ZNF638: variants seen among roughly 807,000 people sequenced by gnomAD.
ZNF638 encodes CTCL tumor antigen se33-1.
In ZNF638, 46 loss-of-function variants were observed where a neutral mutation model predicts 195.6. That is an observed-to-expected ratio of 0.24 (90% confidence interval 0.19 to 0.30). ZNF638 has a LOEUF of 0.30. ZNF638 is among the 10% of genes least tolerant of loss of function. The pLI is 1.00. For missense variants in ZNF638, 2,440 were observed against 2,325.3 expected, an observed-to-expected ratio of 1.05 and a Z score of -1.01; for synonymous variants, 845 against 772.0, an observed-to-expected ratio of 1.09 and a Z score of -1.57.
At chr2:71,366,467 G>T (rs1404925649) in intron 6 of ZNF638, among the ~76,000 whole-genome samples, 1 of 151,972 alleles carries the variant, frequency 6.6e-6, no homozygotes, top group Non-Finnish European at 1.5e-5. Flanking sequence ...TATTTTACTG[G>T]TTTTTCTTGT....
At chr2:71,414,193 G>C (rs1273242569) in intron 20 of ZNF638, among the ~76,000 whole-genome samples, 11 of 87,386 alleles carry the variant, frequency 1.3e-4, no homozygotes, top group African/African-American at 5.0e-4. Flanking sequence ...CTTCTTCCTG[G>C]TTTAGTCTTG....
At chr2:71,393,376 T>C in intron 10 of ZNF638, 2 of 717,220 alleles carry the variant, frequency 2.8e-6, no homozygotes, top group Non-Finnish European at 5.2e-6. Context: ...GATATGCTTG[T>C]GTTCACACCC....
At chr2:71,405,554 T>C in intron 17 of ZNF638, 47 bp from the exon 18 acceptor site, 1 of 1,203,438 alleles carries the variant, frequency 8.3e-7, no homozygotes, top group South Asian at 1.4e-5. Flanking sequence ...AGTATTTGTA[T>C]GAGAAAGAGC....
chr2:71,372,966 A>T (rs972340888), intron 8 of ZNF638, among the ~76,000 whole-genome samples: 2 of 152,166 alleles, frequency 1.3e-5, no homozygotes, highest in Admixed American at 1.3e-4. Context: ...TTTAGTTAAC[A>T]CCTTGTGTAC....
At chr2:71,403,495 CAATT>C (rs1345213247) in intron 16 of ZNF638, among the ~76,000 whole-genome samples, 7 of 152,040 alleles carry the variant, frequency 4.6e-5, no homozygotes, top group African/African-American at 7.2e-5. Flanking sequence ...CATATTTTAT[CAATT>C]TATTTACTCA....
chr2:71,378,431 A>G (rs1418078384), intron 8 of ZNF638, among the ~76,000 whole-genome samples: 1 of 152,182 alleles, frequency 6.6e-6, no homozygotes, highest in African/African-American at 2.4e-5. Context: ...GCCCAAAAAG[A>G]ACAGAAAGTA....
In ZNF638 at chr2:71,426,534, G is replaced by A; in HGVS notation, c.4665G>A (p.Gln1555=). The change falls in exon 24 of 28, where the codon CAG becomes CAA. Residue 1555 remains glutamine (Q), a synonymous_variant. Transcript: ENST00000264447. ...DEVIEEVNPS[Q]AKQNPLKGKR... The stretch of plus-strand genomic sequence containing the variant: ...TTATAGAAGAAGTGAATCCTTCTCA[G>A]GCCAAGCAGAATCCACTAAAGGGAA... The A allele has an allele frequency of 6.2e-7, 1 of 1,613,786 alleles. No individual in the cohort carries two copies. The highest frequency in any genetic ancestry group is 8.5e-7 in the Non-Finnish European group (1 of 1,179,946).
At chr2:71,332,486 G>A (rs1407040332) in intron 1 of ZNF638, among the ~76,000 whole-genome samples, 1 of 152,216 alleles carries the variant, frequency 6.6e-6, no homozygotes, top group Non-Finnish European at 1.5e-5. Context: ...TCTGTGCTGC[G>A]TAGTGCAGGT....
At chr2:71,395,530 A>G (rs979780861) in intron 10 of ZNF638, 1 of 616,854 alleles carries the variant, frequency 1.6e-6, no homozygotes, top group Non-Finnish European at 2.9e-6. Flanking sequence ...AAAGGAATTT[A>G]TCTAGACGAG....
At chr2:71,394,983 C>G (rs1409555972) in intron 10 of ZNF638, among the ~76,000 whole-genome samples, 1 of 152,188 alleles carries the variant, frequency 6.6e-6, no homozygotes, top group Non-Finnish European at 1.5e-5. Flanking sequence ...TGTCACCTCT[C>G]TACCATGGAA....
In ZNF638 at chr2:71,405,650, T is replaced by A; in HGVS notation, c.3000+8T>A. ...AAAGAAAATGACCCAGAGGTAAGTT[T>A]TGCATTTAAATGCTTTTGTATACTT... On this transcript the variant is annotated splice_region_variant and intron_variant, in intron 18 of 27. Transcript: ENST00000264447. 1 of 1,551,072 alleles carries A rather than the reference T, an allele frequency of 6.4e-7. No homozygotes were observed. The highest frequency in any genetic ancestry group is 8.8e-7 in the Non-Finnish European group (1 of 1,141,096).
At chr2:71,392,598 C>T (rs777328887) in intron 10 of ZNF638, among the ~76,000 whole-genome samples, 24 of 152,194 alleles carry the variant, frequency 1.6e-4, no homozygotes, top group Non-Finnish European at 3.1e-4. Context: ...GAGCACACAG[C>T]TCACTGCCTT....
In ZNF638 at chr2:71,350,182, C is replaced by A; in HGVS notation, c.1228C>A (p.Pro410Thr). The change falls in exon 2 of 28, where the codon CCT becomes ACT. Residue 410 changes from proline (P) to threonine (T), a missense_variant. Coordinates refer to ENST00000264447, the MANE Select transcript of ZNF638 (RefSeq NM_014497.5). ...DAQKMKRLPT[P>T]SMMNDYYAAS... The stretch of plus-strand genomic sequence containing the variant: ...CCAGAAGATGAAGAGACTTCCAACT[C>A]CTTCTATGATGAATGATTATTATGC... The A allele has an allele frequency of 6.2e-7, 1 of 1,612,452 alleles. No individual in the cohort carries two copies. The highest frequency in any genetic ancestry group is 8.5e-7 in the Non-Finnish European group (1 of 1,180,020).
intron 1 of ZNF638, among the ~76,000 whole-genome samples, chr2:71,340,695 C>T (rs978121008): frequency 3.3e-5 from 5 of 151,342 alleles, no homozygotes; most frequent in Non-Finnish European, 5.9e-5. Flanking sequence ...TTTTGGGGGG[C>T]GGATTTTGAA....
rs1054989546 is a variant in ZNF638 at position 71,404,146 on chromosome 2, C to G, written c.2958+148C>G. 12 of 726,382 alleles carry G rather than the reference C, an allele frequency of 1.7e-5. No homozygotes were observed. In the East Asian group the frequency reaches 3.2e-4, roughly 19 times the overall value. The allele number at this position is 726,382 out of a possible 1,614,324, so 45.0% of individuals were successfully genotyped here. A position where few individuals can be genotyped will look rare whatever the true frequency, so the allele number is the denominator to read the frequency against. On this transcript the variant is annotated intron_variant, in intron 17 of 27. Transcript: ENST00000264447. The stretch of plus-strand genomic sequence containing the variant: ...TCTTCCTGTCCCTCCAACAATCACC[C>G]AGTCACCCATCCCACTGTTTGAGAG...
intron 9 of ZNF638, 111 bp from the exon 10 acceptor site, chr2:71,380,402 C>A: frequency 2.7e-6 from 3 of 1,109,666 alleles, no homozygotes; most frequent in Non-Finnish European, 3.8e-6. Context: ...AGAGGGATAT[C>A]ACTCCAGTTG....
chr2:71,402,309 A>G (rs937053081), intron 16 of ZNF638, among the ~76,000 whole-genome samples: 1 of 152,170 alleles, frequency 6.6e-6, no homozygotes, highest in Non-Finnish European at 1.5e-5. Context: ...TAATATGTCA[A>G]AGTTCTACTC....
chr2:71,365,798 C>A, intron 6 of ZNF638, 92 bp downstream of exon 6: 1 of 1,212,254 alleles, frequency 8.2e-7, no homozygotes, highest in Non-Finnish European at 1.1e-6. Flanking sequence ...TGGCTCACTG[C>A]AGCCTCGATC....
chr2:71,401,200 T>C (rs1180234006), intron 15 of ZNF638, among the ~76,000 whole-genome samples: 2 of 152,092 alleles, frequency 1.3e-5, no homozygotes, highest in African/African-American at 4.8e-5. Context: ...CCTGCCTTTT[T>C]TTCCCCCTAG....
Sources: gnomAD v4.1 joint callset for allele counts (sites outside exome capture counted in the v4.1 genomes callset) on GRCh38, gnomAD v4.1.1 for gene constraint, MANE v1.5 for transcripts, NCBI Gene and HGNC (gene_info 2026-07-23, HGNC 2026-07-21) for gene names.